ECHDC1: variants seen among roughly 807,000 people sequenced by gnomAD.
ECHDC1 encodes ethylmalonyl-CoA decarboxylase 1.
A neutral mutation model predicts 29.7 loss-of-function variants in ECHDC1; 29 were observed. The ratio of observed to expected loss-of-function variants is 0.98; its 90% confidence interval spans 0.73 to 1.33. ECHDC1 has a LOEUF of 1.33. ECHDC1 is among the 40% of genes most tolerant of loss of function. The pLI, the probability that ECHDC1 is intolerant of heterozygous loss-of-function variation, is 0.00. For synonymous variants in ECHDC1, 126 were observed against 123.1 expected (o/e 1.02, Z -0.15); for missense variants, 328 against 350.0 (o/e 0.94, Z 0.50).
chr6:127,315,542 A>G (rs1041564977), intron 4 of ECHDC1: 2 of 213,470 alleles, frequency 9.4e-6, no homozygotes, highest in South Asian at 6.8e-5. Context: ...GTTTTCCAAG[A>G]TGGAATTTTT....
At position 127,330,900 on chromosome 6, in the gene ECHDC1, C is replaced by T; in HGVS notation, c.129G>A (p.Gln43=). 1 of 1,614,102 alleles carries T rather than the reference C, an allele frequency of 6.2e-7. No individual in the cohort carries two copies. The highest frequency in any genetic ancestry group is 1.1e-5 in the South Asian group (1 of 91,082). Residue 43 remains glutamine, a synonymous_variant, in exon 2 of 6, where the codon CAG becomes CAA. Coordinates refer to ENST00000454859, the MANE Select transcript of ECHDC1 (RefSeq NM_001002030.2). ...GAAGGTCAATGGATCCACCAGGAAA[C>T]TGCTGAAGTGTTTTTTTCACTTCTT... ...YEEEVKKTLQ[Q]FPGGSIDLQK... is the part of the protein sequence containing the mutation.
intron 5 of ECHDC1, 131 bp from the exon 6 acceptor site, chr6:127,290,408 G>T: frequency 1.1e-6 from 1 of 870,308 alleles, no homozygotes; most frequent in Non-Finnish European, 1.7e-6. Context: ...AACAATGTTT[G>T]AAAAATATGG....
chr6:127,334,992 CTTAATAG>C (rs542360326), intron 1 of ECHDC1, among the ~76,000 whole-genome samples: 82 of 152,034 alleles, frequency 5.4e-4, no homozygotes, highest in African/African-American at 1.9e-3. Context: ...AAGGTACTTA[CTTAATAG>C]TTAATGAGGG....
intron 5 of ECHDC1, among the ~76,000 whole-genome samples, chr6:127,308,973 A>T (rs1781662408): frequency 6.6e-6 from 1 of 152,234 alleles, no homozygotes; most frequent in Admixed American, 6.5e-5. Flanking sequence ...AAAAATGAAA[A>T]GATATCCCAT....
chr6:127,331,907 T>C, intron 1 of ECHDC1: 1 of 983,416 alleles, frequency 1.0e-6, no homozygotes, highest in Non-Finnish European at 1.2e-6. Flanking sequence ...GTGTGTGTGG[T>C]TTTTCTGTTC....
chr6:127,328,773 T>A (rs932510342), intron 2 of ECHDC1, among the ~76,000 whole-genome samples: 27 of 152,178 alleles, frequency 1.8e-4, no homozygotes, highest in African/African-American at 6.5e-4. Context: ...ACGCCTGTAA[T>A]CCCAGCACTT....
chr6:127,317,773 A>G (rs1782514266), intron 3 of ECHDC1: 1 of 152,106 alleles, frequency 6.6e-6, no homozygotes, highest in African/African-American at 2.4e-5. Flanking sequence ...CCTCGGATCT[A>G]CCTTAGAAAT....
Position 127,343,366 on chromosome 6 carries a change from C to A in ECHDC1, c.-33G>T. 1 of 152,654 alleles carries A rather than the reference C, an allele frequency of 6.6e-6. No individual in the cohort carries two copies. Among genetic ancestry groups the A allele is most frequent in the Non-Finnish European group, 1.5e-5 (1 of 68,298 alleles). 9.5% of individuals were successfully genotyped at this position (152,654 alleles called of 1,614,324 possible). ...CAGGCCACGGTGGTGACTTCCTTTT[C>A]CGCTCCCCTACACACGCTTTTCCGT... On this transcript the variant is annotated 5_prime_UTR_variant, in exon 1 of 6. Coordinates refer to ENST00000454859, the MANE Select transcript of ECHDC1 (RefSeq NM_001002030.2).
intron 3 of ECHDC1, among the ~76,000 whole-genome samples, chr6:127,322,429 C>G (rs1483459042): frequency 6.6e-6 from 1 of 152,168 alleles, no homozygotes; most frequent in Non-Finnish European, 1.5e-5. Context: ...TATACAGCAA[C>G]AAGTGACGAA....
chr6:127,326,876 C>G, intron 3 of ECHDC1, 126 bp downstream of exon 3: 2 of 1,172,836 alleles, frequency 1.7e-6, no homozygotes, highest in East Asian at 2.5e-5. Context: ...CAAAACAAAC[C>G]AAAAAATCCC....
chr6:127,320,545 C>G (rs2041750100), intron 3 of ECHDC1, among the ~76,000 whole-genome samples: 1 of 152,188 alleles, frequency 6.6e-6, no homozygotes, highest in Non-Finnish European at 1.5e-5. Flanking sequence ...AGGCATTATA[C>G]TGATCCATTG....
At chr6:127,327,248 T>C in intron 2 of ECHDC1, 104 bp from the exon 3 acceptor site, 1 of 1,244,756 alleles carries the variant, frequency 8.0e-7, no homozygotes, top group Non-Finnish European at 1.1e-6. Flanking sequence ...GGTCCTATAT[T>C]TTATAAATAT....
chr6:127,306,302 G>A (rs903093353), intron 5 of ECHDC1, among the ~76,000 whole-genome samples: 5 of 152,066 alleles, frequency 3.3e-5, no homozygotes, highest in Admixed American at 1.3e-4. Context: ...ATATATACAG[G>A]AAACATTATT....
At position 127,290,161 on chromosome 6, in the gene ECHDC1, A is replaced by G. The variant is rs749150599; in HGVS notation, c.614T>C (p.Val205Ala). The change falls in exon 6 of 6, where the codon GTG becomes GCG. Residue 205 changes from valine (V) to alanine (A), a missense_variant. Coordinates refer to ENST00000454859, the MANE Select transcript of ECHDC1 (RefSeq NM_001002030.2). The stretch of plus-strand genomic sequence containing the variant: ...ATCCAGTTTAAGGGCCCCACTCAAC[A>G]CTTTGAGAGCTTGTCTACTTCCGAT... ...EIIGSRQALK[V>A]LSGALKLDSK... The G allele has an allele frequency of 1.9e-6, 3 of 1,613,554 alleles. No individual in the cohort carries two copies. The Admixed American group carries it at 5.0e-5, about 27-fold the overall frequency.
intron 5 of ECHDC1, chr6:127,313,683 A>AT (rs1286571360): frequency 6.9e-6 from 3 of 434,376 alleles, no homozygotes; most frequent in African/African-American, 6.1e-5. Context: ...TTTTAAAAAA[A>AT]TGGCAAGGCC....
chr6:127,323,480 T>G (rs1057432702), intron 3 of ECHDC1, among the ~76,000 whole-genome samples: 1 of 152,152 alleles, frequency 6.6e-6, no homozygotes, highest in Non-Finnish European at 1.5e-5. Context: ...GCTACCTTTT[T>G]CAGATACGGT....
chr6:127,315,982 C>T (rs1782339957), intron 4 of ECHDC1: 2 of 470,588 alleles, frequency 4.2e-6, no homozygotes, highest in African/African-American at 2.0e-5. Context: ...TACCTAGGTG[C>T]AAAGTCAATT....
chr6:127,341,431 TC>T (rs1410838824), intron 1 of ECHDC1: 1 of 152,252 alleles, frequency 6.6e-6, no homozygotes, highest in East Asian at 1.9e-4. Context: ...AGCTTAAGAT[TC>T]AGGTTCTGTA....
intron 1 of ECHDC1, among the ~76,000 whole-genome samples, chr6:127,337,104 A>T (rs1296660019): frequency 6.6e-6 from 1 of 152,074 alleles, no homozygotes; most frequent in Non-Finnish European, 1.5e-5. Context: ...TTTCAATCTG[A>T]CTCTGGCATA....
Sources: gnomAD v4.1 joint callset for allele counts (sites outside exome capture counted in the v4.1 genomes callset) on GRCh38, gnomAD v4.1.1 for gene constraint, MANE v1.5 for transcripts, NCBI Gene and HGNC (gene_info 2026-07-23, HGNC 2026-07-21) for gene names.